Variants in XKR9 observed in about 807,000 individuals in gnomAD.
XKR9 encodes XK related 9.
A neutral mutation model predicts 32.0 loss-of-function variants in XKR9; 32 were observed. That is an observed-to-expected ratio of 1.00 (90% CI 0.76 to 1.34). The LOEUF (loss-of-function observed/expected upper bound fraction) is 1.34, where lower values mean the gene tolerates loss of function less well. Ranked by LOEUF, XKR9 falls within the 40% of genes most tolerant of loss-of-function variation. XKR9 has a pLI of 0.00. For missense variants in XKR9, 546 were observed against 429.7 expected (o/e 1.27, Z -2.39); for synonymous variants, 168 against 143.4 (o/e 1.17, Z -1.22).
At chr8:71,040,604 C>T in the XKR9 span, among the ~76,000 whole-genome samples, 4 of 152,126 alleles carry the variant, frequency 2.6e-5, no homozygotes, top group African/African-American at 9.7e-5. Flanking sequence ...TTTAAAATTA[C>T]TGTCAAAATT....
chr8:70,754,073 G>T (rs1807182030), intron 2 of XKR9, among the ~76,000 whole-genome samples: 1 of 147,176 alleles, frequency 6.8e-6, no homozygotes, highest in Admixed American at 7.7e-5. Context: ...AAAGTCTCAG[G>T]ATACAAAATC....
intron 4 of XKR9, among the ~76,000 whole-genome samples, chr8:70,719,601 T>C (rs566698139): frequency 6.6e-6 from 1 of 152,208 alleles, no homozygotes; most frequent in Admixed American, 6.5e-5. Flanking sequence ...GATCAGATGG[T>C]TGTAGACCTG....
chr8:71,020,222 C>T, the XKR9 span, among the ~76,000 whole-genome samples: 1 of 152,168 alleles, frequency 6.6e-6, no homozygotes, highest in Non-Finnish European at 1.5e-5. Context: ...GTGCTGCCTG[C>T]CTGGTTTAGT....
At chr8:70,888,606 A>G in the XKR9 span, among the ~76,000 whole-genome samples, 6 of 151,960 alleles carry the variant, frequency 3.9e-5, no homozygotes, top group Non-Finnish European at 8.8e-5. Context: ...TAAGTCTTTC[A>G]TCCATTTAGA....
the XKR9 span, among the ~76,000 whole-genome samples, chr8:70,874,780 T>A: frequency 6.6e-6 from 1 of 152,242 alleles, no homozygotes; most frequent in African/African-American, 2.4e-5. Context: ...CTATTCTCTT[T>A]ATTGGCTTTA....
intron 2 of XKR9, among the ~76,000 whole-genome samples, chr8:70,778,998 G>A (rs538989188): frequency 6.6e-6 from 1 of 152,242 alleles, no homozygotes; most frequent in African/African-American, 2.4e-5. Context: ...GAATAGGAGT[G>A]GTGAGAGAAG....
intron 4 of XKR9, among the ~76,000 whole-genome samples, chr8:70,713,142 T>C (rs1296242093): frequency 6.6e-6 from 1 of 151,932 alleles, no homozygotes. Flanking sequence ...AAATAGAAAA[T>C]TCAGGAATTG....
At chr8:71,038,578 A>G in the XKR9 span, among the ~76,000 whole-genome samples, 1 of 151,110 alleles carries the variant, frequency 6.6e-6, no homozygotes, top group Admixed American at 6.6e-5. Context: ...TCGGCATCCA[A>G]AAGTGCTGGG....
chr8:70,756,442 G>T (rs1161115267), intron 2 of XKR9, among the ~76,000 whole-genome samples: 1 of 152,152 alleles, frequency 6.6e-6, no homozygotes, highest in Non-Finnish European at 1.5e-5. Flanking sequence ...TGAATCTATG[G>T]ATCAGTTTGG....
chr8:70,998,278 T>C, the XKR9 span, among the ~76,000 whole-genome samples: 1 of 152,232 alleles, frequency 6.6e-6, no homozygotes, highest in Non-Finnish European at 1.5e-5. Flanking sequence ...AATTACTTCA[T>C]GAAGCATGTC....
the XKR9 span, among the ~76,000 whole-genome samples, chr8:70,970,383 T>G: frequency 6.6e-5 from 10 of 152,036 alleles, no homozygotes; most frequent in Non-Finnish European, 1.5e-4. Context: ...TTTTGTTATA[T>G]AGGTATACAC....
chr8:70,685,537 T>C (rs1448544828), intron 3 of XKR9, among the ~76,000 whole-genome samples: 1 of 149,246 alleles, frequency 6.7e-6, no homozygotes, highest in East Asian at 2.0e-4. Flanking sequence ...ACATACACCA[T>C]GGAATACTAT....
downstream of XKR9, among the ~76,000 whole-genome samples, chr8:70,790,538 T>C (rs1563481731): frequency 6.6e-6 from 1 of 152,068 alleles, no homozygotes; most frequent in Non-Finnish European, 1.5e-5. Context: ...TTAATTACAG[T>C]GTCTTTTCAT....
chr8:70,742,165 A>C (rs1806996319), intron 2 of XKR9, among the ~76,000 whole-genome samples: 2 of 152,204 alleles, frequency 1.3e-5, no homozygotes, highest in African/African-American at 2.4e-5. Flanking sequence ...AACTTCTGTA[A>C]CTGAATAACA....
the XKR9 span, among the ~76,000 whole-genome samples, chr8:70,886,061 C>A: frequency 6.6e-6 from 1 of 152,126 alleles, no homozygotes; most frequent in African/African-American, 2.4e-5. Flanking sequence ...CCCGCACAGG[C>A]CTTGATGTGT....
At chr8:70,894,784 G>T in the XKR9 span, among the ~76,000 whole-genome samples, 1 of 151,936 alleles carries the variant, frequency 6.6e-6, no homozygotes, top group African/African-American at 2.4e-5. Flanking sequence ...TTGGGTAGGT[G>T]AAACGACTCC....
At chr8:70,900,646 A>G in the XKR9 span, among the ~76,000 whole-genome samples, 1 of 152,096 alleles carries the variant, frequency 6.6e-6, no homozygotes, top group Non-Finnish European at 1.5e-5. Flanking sequence ...ATTTTAGCAT[A>G]CTTGGCTCAT....
the XKR9 span, among the ~76,000 whole-genome samples, chr8:70,879,824 A>G: frequency 1.3e-5 from 2 of 152,200 alleles, no homozygotes; most frequent in Admixed American, 1.3e-4. Context: ...CACAGCAAAA[A>G]AAGAGAATTT....
At chr8:70,791,010 TA>T (rs1807757091), downstream of XKR9, among the ~76,000 whole-genome samples, 1 of 152,080 alleles carries the variant, frequency 6.6e-6, no homozygotes, top group Admixed American at 6.6e-5. Flanking sequence ...CCTCATGACC[TA>T]ATTACCTCCC....
Sources: allele counts gnomAD v4.1 joint callset (sites outside exome capture counted in the v4.1 genomes callset), GRCh38; gene constraint gnomAD v4.1.1; transcripts MANE v1.5; gene names NCBI Gene and HGNC (gene_info 2026-07-23, HGNC 2026-07-21).